Variants in PPP2R5C observed in about 807,000 individuals in gnomAD.
The protein encoded by PPP2R5C is protein phosphatase 2 regulatory subunit B'gamma.
PPP2R5C carries 7 observed loss-of-function variants against 68.9 expected under a neutral mutation model. The observed-to-expected ratio is 0.10, with a 90% CI of 0.06 to 0.19. The LOEUF is 0.19. Ranked by LOEUF, PPP2R5C falls within the 10% of genes least tolerant of loss-of-function variation. The pLI is 1.00. For synonymous variants in PPP2R5C, 210 were observed against 222.2 expected (o/e 0.95, Z 0.49); for missense variants, 348 against 641.3 (o/e 0.54, Z 4.94).
chr14:101,847,849 G>A (rs2086251), intron 1 of PPP2R5C, among the ~76,000 whole-genome samples: 2 of 152,018 alleles, frequency 1.3e-5, no homozygotes, highest in African/African-American at 4.8e-5. Context: ...TTTTAGTAGA[G>A]ACGGGGTTTC....
chr14:101,852,415 C>T (rs1253070025), intron 1 of PPP2R5C, among the ~76,000 whole-genome samples: 2 of 150,984 alleles, frequency 1.3e-5, no homozygotes, highest in African/African-American at 2.4e-5. Flanking sequence ...TTAGTAAATA[C>T]GTTTTTTAAA....
At chr14:101,894,252 A>G (rs2045154287) in intron 7 of PPP2R5C, among the ~76,000 whole-genome samples, 1 of 152,244 alleles carries the variant, frequency 6.6e-6, no homozygotes, top group Admixed American at 6.5e-5. Flanking sequence ...AAATCCCATC[A>G]TACTGGATTG....
intron 1 of PPP2R5C, among the ~76,000 whole-genome samples, chr14:101,844,980 C>T: frequency 6.6e-6 from 1 of 152,132 alleles, no homozygotes; most frequent in East Asian, 1.9e-4. Flanking sequence ...GGGTGTTGAG[C>T]ATTTAGTAAT....
intron 2 of PPP2R5C, among the ~76,000 whole-genome samples, chr14:101,768,640 G>A (rs980139938): frequency 3.9e-5 from 6 of 151,936 alleles, no homozygotes; most frequent in African/African-American, 1.5e-4. Flanking sequence ...CGTATGTGTA[G>A]CCTGTGAAAA....
At chr14:101,808,733 CTA>C (rs2039182129), upstream of PPP2R5C, among the ~76,000 whole-genome samples, 1 of 152,178 alleles carries the variant, frequency 6.6e-6, no homozygotes, top group African/African-American at 2.4e-5. Flanking sequence ...GTGTGAGAAA[CTA>C]TTAAAAATGA....
At chr14:101,769,398 A>C (rs1018380554) in intron 2 of PPP2R5C, among the ~76,000 whole-genome samples, 2 of 152,196 alleles carry the variant, frequency 1.3e-5, no homozygotes, top group Non-Finnish European at 2.9e-5. Flanking sequence ...TAGGGCCTAG[A>C]GTCAAGAAGT....
In PPP2R5C at chr14:101,803,585, G is replaced by T. The variant is rs544552927; in HGVS notation, c.259+17402G>T. Among the ~76,000 whole-genome samples, 4 of 152,146 alleles carry T rather than the reference G, an allele frequency of 2.6e-5. No individual in the cohort carries two copies. The East Asian group carries it at 5.8e-4, about 22-fold the overall frequency. ...TAAAAATACAAAAAATCAGCCGGGC[G>T]TGGTGGCGGGCACCTGTAGTCCCAG... On this transcript the variant is annotated intron_variant, in intron 3 of 14. Coordinates refer to the PPP2R5C transcript ENST00000328724.
intron 3 of PPP2R5C, among the ~76,000 whole-genome samples, chr14:101,802,410 CAAAAAT>C (rs768162756): frequency 4.2e-4 from 64 of 151,824 alleles, no homozygotes; most frequent in African/African-American, 8.5e-4. Flanking sequence ...GACTCTGTCT[CAAAAAT>C]AAAAATAAAA....
Position 101,879,689 on chromosome 14 carries a change from C to A in PPP2R5C, c.295-2472C>A, listed in dbSNP as rs143561786. ...GAAGAACAAAGTGCCATCTCCCTTT[C>A]CTGAAGGTGACCCTGTCCTGTGGGT... On this transcript the variant is annotated intron_variant, in intron 2 of 13. Transcript: ENST00000334743. The surrounding 1 kb of genome is among the most constrained non-coding windows in gnomAD (Gnocchi z 4.2). Among the ~76,000 whole-genome samples the A allele has an allele frequency of 2.8e-4, 43 of 152,342 alleles. No individual in the cohort carries two copies. The East Asian group carries it at 6.8e-3, about 24-fold the overall frequency.
intron 1 of PPP2R5C, among the ~76,000 whole-genome samples, chr14:101,816,246 C>T (rs572990974): frequency 9.9e-5 from 15 of 152,270 alleles, no homozygotes; most frequent in African/African-American, 3.1e-4. Context: ...CTTGCTCAGG[C>T]GCTGTTTCCG....
rs1272933376 is a variant in PPP2R5C, at chr14:101,786,196, TG to T, written c.259+14del. 6.5e-7 allele frequency: 1 copy of T among 1,531,000 alleles called. No homozygotes were observed. The highest frequency in any genetic ancestry group is 1.4e-5 in the African/African-American group (1 of 71,632). The allele number at this position is 1,531,000 out of a possible 1,614,324, so 94.8% of individuals were successfully genotyped here. On this transcript the variant is annotated intron_variant, in intron 3 of 14. Coordinates refer to the PPP2R5C transcript ENST00000328724. ...CCATCCTTAAAAGGTAATTTTTATT[TG>T]TCTTTTAAAAGTTAAATTGTGGCTG...
At chr14:101,909,489 C>T (rs957520073) in intron 10 of PPP2R5C, 100 bp from the exon 13 acceptor site, 18 of 696,930 alleles carry the variant, frequency 2.6e-5, no homozygotes, top group South Asian at 1.1e-4. Context: ...GGATCCTGTG[C>T]GATGTGGGAC....
chr14:101,875,792 A>G (rs2043729113), intron 2 of PPP2R5C, among the ~76,000 whole-genome samples: 1 of 152,234 alleles, frequency 6.6e-6, no homozygotes, highest in South Asian at 2.1e-4. Context: ...TGTCTGCTTT[A>G]TACATTGCTC....
chr14:101,877,640 A>G lies in PPP2R5C; in HGVS notation c.295-4521A>G, dbSNP rs1471215710. On this transcript the variant is annotated intron_variant, in intron 2 of 13. Transcript: ENST00000334743. This position sits in a 1 kb window ranked among gnomAD's most constrained non-coding sequence, Gnocchi z 4.2. ...GCTCCTGCCCCTGATTCGCCCCTGC[A>G]GCTTTTGTGTTAAGAAATGTTGCTA... 6.6e-6 allele frequency among the ~76,000 whole-genome samples: 1 copy of G among 152,182 alleles called. No homozygotes were observed. Among genetic ancestry groups the G allele is most frequent in the Non-Finnish European group, 1.5e-5 (1 of 68,038 alleles).
At chr14:101,843,188 A>G (rs1293464873) in intron 1 of PPP2R5C, among the ~76,000 whole-genome samples, 2 of 152,204 alleles carry the variant, frequency 1.3e-5, no homozygotes, top group Admixed American at 6.5e-5. Flanking sequence ...TGATCACACC[A>G]CTGCACTCCC....
chr14:101,848,546 AAAAG>A (rs997224724), intron 1 of PPP2R5C, among the ~76,000 whole-genome samples: 16 of 152,064 alleles, frequency 1.1e-4, no homozygotes, highest in Non-Finnish European at 1.8e-4. Flanking sequence ...TCAAAAAAAA[AAAAG>A]AAAGAAAGAA....
chr14:101,823,071 G>A (rs543652640), intron 1 of PPP2R5C, among the ~76,000 whole-genome samples: 15 of 152,254 alleles, frequency 9.9e-5, no homozygotes, highest in African/African-American at 3.4e-4. Flanking sequence ...TAAGTGAAAT[G>A]TAAACTAAAC....
At chr14:101,798,756 G>T (rs1035623581) in intron 3 of PPP2R5C, among the ~76,000 whole-genome samples, 28 of 152,214 alleles carry the variant, frequency 1.8e-4, no homozygotes, top group Non-Finnish European at 1.5e-5. Context: ...CCCTTCCTTG[G>T]TCCTTGCTCA....
intron 1 of PPP2R5C, among the ~76,000 whole-genome samples, chr14:101,815,195 G>T (rs966732571): frequency 6.6e-6 from 1 of 152,126 alleles, no homozygotes. Context: ...CTCTTGCCCA[G>T]GGCCACAGAG....
Sources: allele counts gnomAD v4.1 joint callset (sites outside exome capture counted in the v4.1 genomes callset), GRCh38; gene constraint gnomAD v4.1.1; non-coding constraint Gnocchi (gnomAD v3.1); transcripts MANE v1.5; gene names NCBI Gene and HGNC (gene_info 2026-07-23, HGNC 2026-07-21).